The following RALYL variants were observed in gnomAD, a reference collection of about 807,000 sequenced individuals.
RALYL encodes RNA-binding Raly-like protein.
RALYL carries 29 observed loss-of-function variants against 35.1 expected under a neutral mutation model. The observed-to-expected ratio is 0.83, with a 90% CI of 0.61 to 1.13. The LOEUF is 1.13. Ranked by LOEUF, RALYL falls within the 50% of genes most tolerant of loss-of-function variation. RALYL has a pLI of 0.00. For synonymous variants in RALYL, 120 were observed against 127.6 expected (o/e 0.94, Z 0.40); for missense variants, 359 against 360.4 (o/e 1.00, Z 0.03).
intron 2 of RALYL, among the ~76,000 whole-genome samples, chr8:84,721,995 T>C (rs899952353): frequency 2.0e-5 from 3 of 152,134 alleles, no homozygotes; most frequent in Non-Finnish European, 4.4e-5. Flanking sequence ...GTGAAAGCTC[T>C]CTCAAGGGCT....
At chr8:84,459,780 A>G (rs986730237) in intron 1 of RALYL, among the ~76,000 whole-genome samples, 1 of 151,774 alleles carries the variant, frequency 6.6e-6, no homozygotes, top group African/African-American at 2.4e-5. Flanking sequence ...GACATAAAAT[A>G]TCATCTGTTG....
intron 2 of RALYL, among the ~76,000 whole-genome samples, chr8:84,530,376 G>A (rs887055761): frequency 8.7e-4 from 132 of 151,434 alleles, no homozygotes; most frequent in African/African-American, 2.6e-3. Flanking sequence ...TACTCAAAAG[G>A]CATTTCAGCT....
intron 2 of RALYL, among the ~76,000 whole-genome samples, chr8:84,745,377 A>G (rs918340326): frequency 3.3e-5 from 5 of 152,048 alleles, no homozygotes; most frequent in Non-Finnish European, 1.5e-5. Flanking sequence ...CTATGATGAA[A>G]AAATTTTAGT....
At chr8:84,213,558 G>T (rs1413937866) in intron 1 of RALYL, among the ~76,000 whole-genome samples, 2 of 151,558 alleles carry the variant, frequency 1.3e-5, no homozygotes, top group East Asian at 3.9e-4. Flanking sequence ...ATTGTATTTG[G>T]AATAGATTAG....
At chr8:84,689,343 C>T (rs2132120532) in intron 2 of RALYL, among the ~76,000 whole-genome samples, 1 of 152,098 alleles carries the variant, frequency 6.6e-6, no homozygotes, top group Admixed American at 6.6e-5. Flanking sequence ...GTTTTTTGTT[C>T]TTGCGATAGT....
chr8:84,208,687 G>T (rs994854599), intron 1 of RALYL, among the ~76,000 whole-genome samples: 1 of 152,066 alleles, frequency 6.6e-6, no homozygotes, highest in Admixed American at 6.6e-5. Flanking sequence ...CTATAGAAAT[G>T]ATGCCAAATT....
chr8:84,490,761 CAGAG>C (rs1009589333), intron 1 of RALYL, among the ~76,000 whole-genome samples: 11 of 151,174 alleles, frequency 7.3e-5, no homozygotes, highest in Admixed American at 2.0e-4. Flanking sequence ...GAGGGTGAAT[CAGAG>C]AGGGACAATT....
intron 1 of RALYL, among the ~76,000 whole-genome samples, chr8:84,316,020 T>G (rs1330550515): frequency 2.0e-5 from 3 of 152,140 alleles, no homozygotes; most frequent in Admixed American, 6.5e-5. Context: ...TGTAACACTT[T>G]GTAAAATTAT....
chr8:84,768,130 C>T (rs188273581), intron 2 of RALYL, among the ~76,000 whole-genome samples: 4 of 152,278 alleles, frequency 2.6e-5, no homozygotes, highest in Admixed American at 1.3e-4. Flanking sequence ...ATTTACTCTA[C>T]TTTGTGAGTA....
chr8:84,813,959 C>T (rs1826530819), intron 4 of RALYL, among the ~76,000 whole-genome samples: 1 of 144,356 alleles, frequency 6.9e-6, no homozygotes, highest in Non-Finnish European at 1.5e-5. Flanking sequence ...CCTAAGTGTT[C>T]TCATTGTTCA....
chr8:84,837,942 A>G (rs1832369800), intron 4 of RALYL, among the ~76,000 whole-genome samples: 1 of 152,228 alleles, frequency 6.6e-6, no homozygotes, highest in South Asian at 2.1e-4. Flanking sequence ...GTTTCATCCT[A>G]GACAGTGCCC....
intron 2 of RALYL, among the ~76,000 whole-genome samples, chr8:84,552,347 TATATATATATA>T (rs199739966): frequency 7.3e-4 from 57 of 77,852 alleles, no homozygotes; most frequent in Middle Eastern, 5.4e-3. Flanking sequence ...TGTATATATA[TATATATATATA>T]TTTTTTTTTT....
chr8:84,767,548 T>G (rs1814412389), intron 2 of RALYL, among the ~76,000 whole-genome samples: 1 of 152,194 alleles, frequency 6.6e-6, no homozygotes. Flanking sequence ...GGGTCTATTC[T>G]CTGCTTAGAG....
At chr8:84,726,987 A>T (rs1845088198) in intron 2 of RALYL, among the ~76,000 whole-genome samples, 1 of 152,068 alleles carries the variant, frequency 6.6e-6, no homozygotes, top group African/African-American at 2.4e-5. Context: ...TGGGTAGACT[A>T]TCAATAAATG....
chr8:84,896,678 T>C (rs1375863466), intron 8 of RALYL, among the ~76,000 whole-genome samples: 1 of 152,200 alleles, frequency 6.6e-6, no homozygotes. Flanking sequence ...CCTTGGCATT[T>C]GCTGCACCCC....
chr8:84,816,429 C>A (rs1442916386), intron 4 of RALYL, among the ~76,000 whole-genome samples: 9 of 152,008 alleles, frequency 5.9e-5, no homozygotes, highest in Non-Finnish European at 1.0e-4. Context: ...TCGATTTATA[C>A]CAATTTTTCA....
At chr8:84,747,268 A>T (rs1808821909) in intron 2 of RALYL, among the ~76,000 whole-genome samples, 1 of 151,896 alleles carries the variant, frequency 6.6e-6, no homozygotes, top group Non-Finnish European at 1.5e-5. Context: ...TGTAAAAAAA[A>T]AATGGTGCTA....
chr8:84,275,415 T>G (rs1441580848), intron 1 of RALYL, among the ~76,000 whole-genome samples: 2 of 151,992 alleles, frequency 1.3e-5, no homozygotes, highest in Middle Eastern at 3.2e-3. Flanking sequence ...AACTTTTTTG[T>G]TACTGCATTT....
At chr8:84,448,134 A>G (rs1447227260) in intron 1 of RALYL, among the ~76,000 whole-genome samples, 1 of 151,912 alleles carries the variant, frequency 6.6e-6, no homozygotes, top group Non-Finnish European at 1.5e-5. Flanking sequence ...CTGGTAAGGG[A>G]CTCCAAAAGG....
Sources: gnomAD v4.1 joint callset for allele counts (sites outside exome capture counted in the v4.1 genomes callset) on GRCh38, gnomAD v4.1.1 for gene constraint, MANE v1.5 for transcripts, NCBI Gene and HGNC (gene_info 2026-07-23, HGNC 2026-07-21) for gene names.